The following KLHDC1 variants were observed in gnomAD, a reference collection of about 807,000 sequenced individuals.
KLHDC1 encodes the protein kelch domain containing 1.
In KLHDC1, 53 loss-of-function variants were observed where a neutral mutation model predicts 68.3. That is an observed-to-expected ratio of 0.78 (90% CI 0.62 to 0.98). The LOEUF (loss-of-function observed/expected upper bound fraction) is 0.98. Ranked by LOEUF, KLHDC1 falls within the 50% of genes least tolerant of loss-of-function variation. KLHDC1 has a pLI of 0.00. For missense variants in KLHDC1, 470 were observed against 492.3 expected (o/e 0.95, Z 0.43); for synonymous variants, 148 against 159.0 (o/e 0.93, Z 0.52).
At chr14:49,739,019 C>T (rs552889827) in intron 10 of KLHDC1, among the ~76,000 whole-genome samples, 7 of 152,340 alleles carry the variant, frequency 4.6e-5, no homozygotes, top group Admixed American at 1.3e-4. Flanking sequence ...AAGTAGCATG[C>T]AGAGCAGTTC....
At chr14:49,731,996 C>T (rs145644428) in intron 8 of KLHDC1, among the ~76,000 whole-genome samples, 1 of 151,810 alleles carries the variant, frequency 6.6e-6, no homozygotes, top group Non-Finnish European at 1.5e-5. Flanking sequence ...AAGTAAAAAA[C>T]AACAATATAA....
Position 49,732,697 on chromosome 14 carries a change from G to C in KLHDC1, c.711-7G>C, listed in dbSNP as rs751178561. ...GTACCTAGACTTTCTTTTTCTCCTT[G>C]CCACAGGATTACTATTAATGGAGAA... On this transcript the variant is annotated splice_region_variant and splice_polypyrimidine_tract_variant and intron_variant, in intron 8 of 12. Coordinates refer to ENST00000359332, the MANE Select transcript of KLHDC1 (RefSeq NM_172193.3). 9.4e-6 allele frequency: 13 copies of C among 1,377,230 alleles called. No homozygotes were observed. The highest frequency in any genetic ancestry group is 1.7e-5 in the Admixed American group (1 of 57,280). The allele number at this position is 1,377,230 out of a possible 1,614,324, so 85.3% of individuals were successfully genotyped here.
intron 1 of KLHDC1, among the ~76,000 whole-genome samples, chr14:49,705,836 T>C (rs1030779332): frequency 5.3e-5 from 8 of 152,182 alleles, no homozygotes; most frequent in Non-Finnish European, 8.8e-5. Flanking sequence ...TTTCACTGAT[T>C]GAAAAATTTT....
chr14:49,750,974 A>C (rs926947631), intron 12 of KLHDC1: 2 of 152,254 alleles, frequency 1.3e-5, no homozygotes, highest in Non-Finnish European at 2.9e-5. Context: ...AACATGGAGC[A>C]GATATAAAAA....
chr14:49,714,931 G>A (rs908987959), intron 4 of KLHDC1, among the ~76,000 whole-genome samples: 14 of 145,380 alleles, frequency 9.6e-5, no homozygotes, highest in African/African-American at 3.5e-4. Context: ...CATATATATG[G>A]AAATTACATA....
intron 4 of KLHDC1, among the ~76,000 whole-genome samples, chr14:49,722,428 C>T (rs950648296): frequency 1.3e-5 from 2 of 152,122 alleles, no homozygotes; most frequent in Admixed American, 1.3e-4. Flanking sequence ...ATCCATGTCC[C>T]TACAAAGGAC....
At chr14:49,693,378 G>T (rs890890163) in intron 1 of KLHDC1, 88 bp downstream of exon 1, 2 of 1,025,366 alleles carry the variant, frequency 2.0e-6, no homozygotes, top group African/African-American at 1.7e-5. Context: ...CGCTCCCGAG[G>T]CTGCGGCCCA....
chr14:49,695,995 G>A (rs1489999048), intron 1 of KLHDC1, among the ~76,000 whole-genome samples: 1 of 151,760 alleles, frequency 6.6e-6, no homozygotes, highest in African/African-American at 2.4e-5. Flanking sequence ...GAACCCAGGA[G>A]GCGGAGCTTG....
intron 4 of KLHDC1, among the ~76,000 whole-genome samples, chr14:49,715,259 A>C (rs1888340101): frequency 6.6e-6 from 1 of 150,728 alleles, no homozygotes; most frequent in South Asian, 2.1e-4. Flanking sequence ...AATAGCTGGG[A>C]TTACAGGCAC....
rs1035288824 is a variant in KLHDC1 at position 49,717,368 on chromosome 14, T to C, written c.405-6506T>C. Among the ~76,000 whole-genome samples the C allele has an allele frequency of 2.0e-5, 3 of 152,298 alleles. No individual in the cohort carries two copies. The South Asian group carries it at 6.2e-4, about 32-fold the overall frequency. The stretch of plus-strand genomic sequence containing the variant: ...TCCAGTTTTGCCACATCCTCACCTA[T>C]GCTTATTTTGGGTGTGTGTGTGTGT... On this transcript the variant is annotated intron_variant, in intron 4 of 12. Transcript: ENST00000359332.
intron 1 of KLHDC1, chr14:49,699,962 A>G (rs1373298601): frequency 2.1e-5 from 5 of 241,522 alleles, no homozygotes; most frequent in Admixed American, 5.7e-5. Flanking sequence ...TGGTTTTCCT[A>G]TCATGGCCCT....
chr14:49,711,005 T>G (rs1888183254), intron 4 of KLHDC1, among the ~76,000 whole-genome samples: 1 of 78,768 alleles, frequency 1.3e-5, no homozygotes, highest in Non-Finnish European at 2.7e-5. Context: ...TTGTTTTTTG[T>G]TTTTTTGGAA....
chr14:49,723,087 CAAAAAAAAAAA>C (rs144318637), intron 4 of KLHDC1, among the ~76,000 whole-genome samples: 5 of 54,754 alleles, frequency 9.1e-5, no homozygotes, highest in East Asian at 6.2e-4. Flanking sequence ...GACTCTGTCT[CAAAAAAAAAAA>C]AAAAAAAAAA....
chr14:49,753,143 A>G lies in KLHDC1; in HGVS notation c.*1371A>G, dbSNP rs1419543348. 6.6e-6 allele frequency: 1 copy of G among 152,198 alleles called. No homozygotes were observed. The highest frequency in any genetic ancestry group is 1.5e-5 in the Non-Finnish European group (1 of 68,026). The allele number at this position is 152,198 out of a possible 1,614,324, so 9.4% of individuals were successfully genotyped here. On this transcript the variant is annotated 3_prime_UTR_variant, in exon 13 of 13. Coordinates refer to ENST00000359332, the MANE Select transcript of KLHDC1 (RefSeq NM_172193.3). ...TAAAGCAGTCATTAGAATTGATTAT[A>G]CAAAAAATATTTCATTGTCAGTTTT...
intron 1 of KLHDC1, among the ~76,000 whole-genome samples, chr14:49,693,753 T>TTTTTTTTTTTTTTTTTTTC (rs1887649041): frequency 1.4e-5 from 1 of 72,618 alleles, no homozygotes; most frequent in Non-Finnish European, 3.2e-5. Flanking sequence ...TTTTTCTTTT[T>TTTTTTTTTTTTTTTTTTTC]TTTTTTTTTT....
chr14:49,693,440 C>A, intron 1 of KLHDC1, 150 bp downstream of exon 1: 1 of 410,166 alleles, frequency 2.4e-6, no homozygotes, highest in Non-Finnish European at 4.2e-6. Context: ...CTGGCCGCCG[C>A]CCCCACAGCC....
rs1473543026 is a variant in KLHDC1 at position 49,730,240 on chromosome 14, TTG to T, written c.710+693_710+694del. ...TTTGCAGGTTTTTTTTTTTTTTTTT[TTG>T]AGACAGAGTCTTGCTCTGTCACCAG... is the stretch of plus-strand genomic sequence containing the variant. On this transcript the variant is annotated intron_variant, in intron 8 of 12. Transcript: ENST00000359332. Among the ~76,000 whole-genome samples, 749 of 150,602 alleles carry T rather than the reference TTG, an allele frequency of 5.0e-3. 6 individuals are homozygous for T. The highest frequency in any genetic ancestry group is 0.017 in the African/African-American group (714 of 41,062).
intron 1 of KLHDC1, among the ~76,000 whole-genome samples, chr14:49,699,297 G>C (rs545516669): frequency 6.6e-6 from 1 of 151,806 alleles, no homozygotes; most frequent in South Asian, 2.1e-4. Flanking sequence ...CACAGATGTA[G>C]ATCCTGAGTC....
At chr14:49,743,832 A>G (rs747702064) in intron 12 of KLHDC1, 27 bp downstream of exon 12, 5 of 1,289,808 alleles carry the variant, frequency 3.9e-6, no homozygotes, top group Admixed American at 1.9e-5. Flanking sequence ...TTTTCTATAT[A>G]TTTGCTATGA....
Sources: gnomAD v4.1 joint callset for allele counts (sites outside exome capture counted in the v4.1 genomes callset) on GRCh38, gnomAD v4.1.1 for gene constraint, MANE v1.5 for transcripts, NCBI Gene and HGNC (gene_info 2026-07-23, HGNC 2026-07-21) for gene names.